Variants in ATRNL1 observed in about 807,000 individuals in gnomAD.
The protein encoded by ATRNL1 is attractin like 1.
Under a neutral mutation model 182.7 loss-of-function variants are expected in ATRNL1, and 95 were observed. That is an observed-to-expected ratio of 0.52 (90% CI 0.44 to 0.62). The LOEUF (loss-of-function observed/expected upper bound fraction) is 0.62. Ranked by LOEUF, ATRNL1 falls within the 20% of genes least tolerant of loss-of-function variation. The pLI, the probability that ATRNL1 is intolerant of heterozygous loss-of-function variation, is 0.00. For missense variants in ATRNL1, 1,471 were observed against 1,679.5 expected, an observed-to-expected ratio of 0.88 and a Z score of 2.17; for synonymous variants, 576 against 568.3, an observed-to-expected ratio of 1.01 and a Z score of -0.19.
intron 24 of ATRNL1, among the ~76,000 whole-genome samples, chr10:115,497,279 G>A (rs180965209): frequency 3.0e-4 from 46 of 152,178 alleles, no homozygotes; most frequent in African/African-American, 9.6e-4. Flanking sequence ...ATTGAAATCC[G>A]TAAATTCTAT....
chr10:115,716,531 A>C (rs1298399625), intron 26 of ATRNL1, among the ~76,000 whole-genome samples: 1 of 152,150 alleles, frequency 6.6e-6, no homozygotes, highest in African/African-American at 2.4e-5. Context: ...TTTTTAACCT[A>C]GAAGCTAGCA....
At chr10:115,508,748 AG>A (rs1450157182) in intron 24 of ATRNL1, among the ~76,000 whole-genome samples, 2 of 152,060 alleles carry the variant, frequency 1.3e-5, no homozygotes, top group Non-Finnish European at 2.9e-5. Context: ...GGAAGCCAGA[AG>A]AAGGTGGTTT....
chr10:115,408,096 C>T lies in ATRNL1; in HGVS notation c.3269+13344C>T, dbSNP rs185370891. On this transcript the variant is annotated intron_variant, in intron 20 of 28. Coordinates refer to ENST00000355044, the MANE Select transcript of ATRNL1 (RefSeq NM_207303.4). Reference sequence around the variant, plus strand: ...TCGGCTCACTGCAAGCTCCGCTTCCCGGGTTCACGCCATTCTCCTGCCTCA... The same window carrying T: ...TCGGCTCACTGCAAGCTCCGCTTCCTGGGTTCACGCCATTCTCCTGCCTCA... Among the ~76,000 whole-genome samples the T allele has an allele frequency of 9.5e-3, 1,420 of 149,260 alleles. 13 individuals carry two copies. The highest frequency in any genetic ancestry group is 0.016 in the Admixed American group (246 of 14,996).
At chr10:115,265,410 T>C (rs1009814192) in intron 11 of ATRNL1, 133 bp downstream of exon 11, 1 of 512,290 alleles carries the variant, frequency 2.0e-6, no homozygotes, top group South Asian at 4.2e-5. Context: ...TTCTCTACCA[T>C]AGAATGCATT....
At chr10:115,816,624 A>T (rs1484011177) in intron 27 of ATRNL1, among the ~76,000 whole-genome samples, 1 of 151,916 alleles carries the variant, frequency 6.6e-6, no homozygotes, top group Non-Finnish European at 1.5e-5. Context: ...AGACACACAC[A>T]CACACACACA....
intron 24 of ATRNL1, among the ~76,000 whole-genome samples, chr10:115,510,622 T>C (rs1850339134): frequency 1.3e-5 from 2 of 152,050 alleles, no homozygotes; most frequent in Admixed American, 1.3e-4. Context: ...TTATATGCAC[T>C]GGGAAACCAA....
intron 28 of ATRNL1, among the ~76,000 whole-genome samples, chr10:115,916,555 T>C (rs1221946494): frequency 6.6e-6 from 1 of 152,204 alleles, no homozygotes; most frequent in Non-Finnish European, 1.5e-5. Context: ...ATGGACTATA[T>C]AGGTTATAGC....
intron 27 of ATRNL1, among the ~76,000 whole-genome samples, chr10:115,814,039 T>G (rs1950108721): frequency 6.6e-6 from 1 of 152,242 alleles, no homozygotes; most frequent in African/African-American, 2.4e-5. Context: ...TACCATTGTG[T>G]TTTGTTTTAT....
At chr10:115,416,123 A>G (rs569063704) in intron 20 of ATRNL1, among the ~76,000 whole-genome samples, 3 of 152,208 alleles carry the variant, frequency 2.0e-5, no homozygotes, top group African/African-American at 7.2e-5. Context: ...AAAGTTAAAG[A>G]TTATCTTTGA....
At chr10:115,590,401 G>T (rs1855833030) in intron 26 of ATRNL1, among the ~76,000 whole-genome samples, 1 of 151,860 alleles carries the variant, frequency 6.6e-6, no homozygotes, top group Non-Finnish European at 1.5e-5. Context: ...TCTAATTATT[G>T]TTTCCTTTGG....
chr10:115,591,992 T>C (rs1450405587), intron 26 of ATRNL1, among the ~76,000 whole-genome samples: 3 of 152,076 alleles, frequency 2.0e-5, no homozygotes, highest in African/African-American at 7.2e-5. Context: ...TATGCAGCCA[T>C]AAAAGAGAAA....
At chr10:115,636,127 C>G (rs2804249) in intron 26 of ATRNL1, among the ~76,000 whole-genome samples, 70,147 of 151,938 alleles carry the variant, frequency 0.46, 17,890 homozygotes, top group East Asian at 0.84. Context: ...GATTTCTCAT[C>G]ATTTCTGTAT....
chr10:115,561,887 G>T (rs781861294), intron 26 of ATRNL1, among the ~76,000 whole-genome samples: 1 of 152,038 alleles, frequency 6.6e-6, no homozygotes, highest in Non-Finnish European at 1.5e-5. Flanking sequence ...CAAAATGTTG[G>T]TGAGGCTGTG....
At chr10:115,690,628 G>C (rs1319553947) in intron 26 of ATRNL1, among the ~76,000 whole-genome samples, 1 of 152,176 alleles carries the variant, frequency 6.6e-6, no homozygotes, top group East Asian at 1.9e-4. Flanking sequence ...CCACTTTAGT[G>C]GACACTGGGT....
At chr10:115,497,360 G>A (rs1231508990) in intron 24 of ATRNL1, among the ~76,000 whole-genome samples, 4 of 152,170 alleles carry the variant, frequency 2.6e-5, no homozygotes, top group African/African-American at 7.2e-5. Flanking sequence ...AGTGCAGAGT[G>A]CAAAAAGCCT....
At chr10:115,563,402 C>T (rs1399135828) in intron 26 of ATRNL1, among the ~76,000 whole-genome samples, 4 of 152,258 alleles carry the variant, frequency 2.6e-5, no homozygotes, top group African/African-American at 7.2e-5. Context: ...TTTGCACATC[C>T]GTGCTGAGCA....
rs138796543 is a variant in ATRNL1 at position 115,204,245 on chromosome 10, G to C, written c.1349-11452G>C. ...TATAACATCATGTGATCTGCAAACA[G>C]AGGCAACACTTCTTTCCAATTTGGA... On this transcript the variant is annotated intron_variant, in intron 8 of 28. Coordinates refer to ENST00000355044, the MANE Select transcript of ATRNL1 (RefSeq NM_207303.4). Among the ~76,000 whole-genome samples, 39 of 152,112 alleles carry C rather than the reference G, an allele frequency of 2.6e-4. No homozygotes were observed. The East Asian group carries it at 7.4e-3, about 29-fold the overall frequency.
At chr10:115,552,157 A>G (rs1853027689) in intron 26 of ATRNL1, among the ~76,000 whole-genome samples, 1 of 151,338 alleles carries the variant, frequency 6.6e-6, no homozygotes, top group Non-Finnish European at 1.5e-5. Flanking sequence ...ATTGTTTTTC[A>G]TTTTGGTCTT....
intron 5 of ATRNL1, among the ~76,000 whole-genome samples, chr10:115,146,419 T>G (rs1259199644): frequency 6.6e-6 from 1 of 152,138 alleles, no homozygotes; most frequent in Non-Finnish European, 1.5e-5. Flanking sequence ...AATGATGAAG[T>G]CAGGGTATTT....
Sources: gnomAD v4.1 joint callset for allele counts (sites outside exome capture counted in the v4.1 genomes callset) on GRCh38, gnomAD v4.1.1 for gene constraint, MANE v1.5 for transcripts, NCBI Gene and HGNC (gene_info 2026-07-23, HGNC 2026-07-21) for gene names.